The following EFHD1 variants were observed in gnomAD, a reference collection of about 807,000 sequenced individuals.
EFHD1 encodes the protein EF-hand domain-containing protein D1.
Under a neutral mutation model 17.2 loss-of-function variants are expected in EFHD1, and 10 were observed. The ratio of observed to expected loss-of-function variants is 0.58; its 90% CI spans 0.36 to 0.99. EFHD1 has a LOEUF of 0.99. EFHD1 is among the 50% of genes least tolerant of loss of function. EFHD1 has a pLI of 0.01. For synonymous variants in EFHD1, 153 were observed against 142.0 expected, an observed-to-expected ratio of 1.08 and a Z score of -0.55; for missense variants, 310 against 327.5, an observed-to-expected ratio of 0.95 and a Z score of 0.41.
intron 3 of EFHD1, 72 bp downstream of exon 3, chr2:232,672,515 C>A: frequency 1.3e-6 from 2 of 1,523,848 alleles, no homozygotes; most frequent in South Asian, 2.7e-5. Context: ...CTGCAGCTGT[C>A]ATTTTCATCT....
intron 1 of EFHD1, among the ~76,000 whole-genome samples, chr2:232,624,172 A>AT (rs1694069695): frequency 6.6e-6 from 1 of 152,054 alleles, no homozygotes; most frequent in African/African-American, 2.4e-5. Flanking sequence ...TGTTTTCTTT[A>AT]TTTTGGAATC....
chr2:232,616,525 C>T (rs1173613657), intron 1 of EFHD1, among the ~76,000 whole-genome samples: 1 of 152,114 alleles, frequency 6.6e-6, no homozygotes, highest in African/African-American at 2.4e-5. Context: ...TCTTGAACTC[C>T]TGACCTCAGG....
At chr2:232,662,134 C>A (rs1287888285) in intron 1 of EFHD1, among the ~76,000 whole-genome samples, 2 of 151,894 alleles carry the variant, frequency 1.3e-5, no homozygotes, top group Non-Finnish European at 2.9e-5. Flanking sequence ...CCTGGTGAAG[C>A]TGGGTTTGTT....
At chr2:232,681,500 A>G in intron 3 of EFHD1, 85 bp from the exon 4 acceptor site, 1 of 1,538,174 alleles carries the variant, frequency 6.5e-7, no homozygotes, top group Non-Finnish European at 8.8e-7. Flanking sequence ...GGTCTGCTGA[A>G]TGGGCTGTTG....
intron 1 of EFHD1, among the ~76,000 whole-genome samples, chr2:232,646,094 G>A (rs112669791): frequency 3.3e-4 from 50 of 152,218 alleles, no homozygotes; most frequent in Admixed American, 1.2e-3. Flanking sequence ...TCCCCCATCC[G>A]TCCAACATGT....
At chr2:232,650,291 CTT>C (rs869070386) in intron 1 of EFHD1, among the ~76,000 whole-genome samples, 175 of 126,704 alleles carry the variant, frequency 1.4e-3, no homozygotes, top group African/African-American at 4.3e-3. Flanking sequence ...TCTGGGTTGC[CTT>C]TTTTTTTTTT....
chr2:232,626,473 G>A (rs962068763), intron 1 of EFHD1, among the ~76,000 whole-genome samples: 16 of 152,102 alleles, frequency 1.1e-4, no homozygotes, highest in African/African-American at 2.2e-4. Context: ...GCTTGAACCC[G>A]GGAGGTGGAG....
intron 1 of EFHD1, among the ~76,000 whole-genome samples, chr2:232,653,405 C>A (rs1694694534): frequency 6.6e-6 from 1 of 152,216 alleles, no homozygotes; most frequent in Non-Finnish European, 1.5e-5. Context: ...ATTCTGCTGC[C>A]TCAGCCTCTC....
chr2:232,675,464 C>T (rs904732479), intron 3 of EFHD1, among the ~76,000 whole-genome samples: 4 of 152,082 alleles, frequency 2.6e-5, no homozygotes, highest in Non-Finnish European at 4.4e-5. Context: ...TCAGGCCTTC[C>T]CCCGACTGCT....
intron 2 of EFHD1, among the ~76,000 whole-genome samples, chr2:232,670,829 G>T (rs1315835603): frequency 6.6e-6 from 1 of 152,052 alleles, no homozygotes; most frequent in Non-Finnish European, 1.5e-5. Context: ...TAAAATATTT[G>T]AAACATACCA....
chr2:232,611,324 G>A (rs1195946292), intron 1 of EFHD1, among the ~76,000 whole-genome samples: 3 of 151,882 alleles, frequency 2.0e-5, no homozygotes, highest in African/African-American at 4.8e-5. Context: ...GGGGCATCCC[G>A]ATTAGAAAAT....
At chr2:232,612,168 C>T (rs1693825461) in intron 1 of EFHD1, among the ~76,000 whole-genome samples, 1 of 152,256 alleles carries the variant, frequency 6.6e-6, no homozygotes, top group East Asian at 1.9e-4. Flanking sequence ...CAGTTTGTAG[C>T]ATTGCAACTT....
chr2:232,611,852 C>G (rs1693821072), intron 1 of EFHD1: 3 of 152,226 alleles, frequency 2.0e-5, no homozygotes, highest in Admixed American at 2.0e-4. Context: ...CATGTTGCCC[C>G]CGACTTGTGC....
intron 2 of EFHD1, among the ~76,000 whole-genome samples, chr2:232,670,088 TTAAAG>T (rs1195298534): frequency 6.6e-6 from 1 of 152,086 alleles, no homozygotes; most frequent in African/African-American, 2.4e-5. Context: ...TAGCAGTTGT[TTAAAG>T]AAGAGAACTA....
chr2:232,680,536 G>A (rs1695259743), intron 3 of EFHD1, among the ~76,000 whole-genome samples: 1 of 152,142 alleles, frequency 6.6e-6, no homozygotes, highest in South Asian at 2.1e-4. Context: ...GAGGCATTCA[G>A]GGAAAACTGT....
intron 1 of EFHD1, among the ~76,000 whole-genome samples, chr2:232,641,502 A>T (rs1473954363): frequency 1.3e-5 from 2 of 152,164 alleles, no homozygotes; most frequent in African/African-American, 4.8e-5. Context: ...GACTTCCAAG[A>T]TTCTTTCTAG....
chr2:232,677,274 TACACACACACACAC>T (rs36180788), intron 3 of EFHD1, among the ~76,000 whole-genome samples: 1 of 141,348 alleles, frequency 7.1e-6, no homozygotes, highest in Non-Finnish European at 1.5e-5. Context: ...AACACACACA[TACACACACACACAC>T]ACACACGTAC....
chr2:232,664,026 A>G (rs1288409958), intron 2 of EFHD1, among the ~76,000 whole-genome samples: 24 of 151,412 alleles, frequency 1.6e-4, no homozygotes, highest in Admixed American at 1.6e-3. Flanking sequence ...ACTCAGCCTC[A>G]AGCGATTCTC....
intron 2 of EFHD1, among the ~76,000 whole-genome samples, chr2:232,670,334 G>C (rs1449607535): frequency 6.6e-6 from 1 of 152,098 alleles, no homozygotes; most frequent in African/African-American, 2.4e-5. Flanking sequence ...CAAGCTACTT[G>C]GGAGGCTGAG....
Sources: allele counts gnomAD v4.1 joint callset (sites outside exome capture counted in the v4.1 genomes callset), GRCh38; gene constraint gnomAD v4.1.1; transcripts MANE v1.5; gene names NCBI Gene and HGNC (gene_info 2026-07-23, HGNC 2026-07-21).